PLXNA4: variants seen among roughly 807,000 people sequenced by gnomAD.
PLXNA4 encodes plexin-A4.
In PLXNA4, 44 loss-of-function variants were observed where a neutral mutation model predicts 191.8. The observed-to-expected ratio is 0.23, with a 90% confidence interval of 0.18 to 0.29. The LOEUF (loss-of-function observed/expected upper bound fraction) is 0.29. Among genes scored for constraint, PLXNA4 ranks in the 10% least tolerant of loss-of-function variants. The pLI is 1.00. For missense variants in PLXNA4, 1,800 were observed against 2,488.8 expected, an observed-to-expected ratio of 0.72 and a Z score of 5.89; for synonymous variants, 1,082 against 1,009.5, an observed-to-expected ratio of 1.07 and a Z score of -1.36.
chr7:132,155,734 T>G (rs918765124), intron 25 of PLXNA4, among the ~76,000 whole-genome samples: 5 of 152,144 alleles, frequency 3.3e-5, no homozygotes, highest in African/African-American at 1.2e-4. Flanking sequence ...GCAGTGAAGG[T>G]GGGCCCTGCG....
intron 30 of PLXNA4, among the ~76,000 whole-genome samples, chr7:132,136,820 A>G (rs1189473309): frequency 6.6e-6 from 1 of 152,196 alleles, no homozygotes; most frequent in Non-Finnish European, 1.5e-5. Context: ...GGAGTGAAAG[A>G]TATTTCCAGC....
intron 1 of PLXNA4, among the ~76,000 whole-genome samples, chr7:132,528,092 T>C (rs572391882): frequency 1.3e-5 from 2 of 152,324 alleles, no homozygotes; most frequent in East Asian, 1.9e-4. Context: ...TTAAGAAGGC[T>C]ATAATCTAAA....
intron 3 of PLXNA4, among the ~76,000 whole-genome samples, chr7:132,441,214 G>A (rs1462171050): frequency 1.3e-5 from 2 of 152,198 alleles, no homozygotes; most frequent in Non-Finnish European, 2.9e-5. Context: ...CCCACCCCAT[G>A]TGACTGCATC....
intron 3 of PLXNA4, among the ~76,000 whole-genome samples, chr7:132,344,480 C>G (rs911481202): frequency 6.6e-6 from 1 of 152,084 alleles, no homozygotes; most frequent in Admixed American, 6.5e-5. Flanking sequence ...TGTGGGGTCT[C>G]GTGGAGCAAC....
intron 15 of PLXNA4, 52 bp downstream of exon 15, chr7:132,187,419 C>T (rs1386846383): frequency 6.4e-7 from 1 of 1,574,076 alleles, no homozygotes; most frequent in Non-Finnish European, 8.6e-7. Flanking sequence ...AAGTCATTTA[C>T]CTGTCTAACC....
chr7:132,357,224 G>C (rs1426619313), intron 3 of PLXNA4, among the ~76,000 whole-genome samples: 1 of 152,116 alleles, frequency 6.6e-6, no homozygotes, highest in East Asian at 1.9e-4. Flanking sequence ...ATCTTTGCAG[G>C]GCACATGGAG....
At chr7:132,315,043 A>G (rs950788242) in intron 3 of PLXNA4, among the ~76,000 whole-genome samples, 1 of 152,234 alleles carries the variant, frequency 6.6e-6, no homozygotes, top group South Asian at 2.1e-4. Flanking sequence ...TGAGCAAGTT[A>G]TCCAGTGGAA....
At chr7:132,248,531 G>C (rs1186768674) in intron 4 of PLXNA4, among the ~76,000 whole-genome samples, 1 of 152,190 alleles carries the variant, frequency 6.6e-6, no homozygotes, top group Non-Finnish European at 1.5e-5. Context: ...GAAGGTTGCA[G>C]TGTGGTAGCT....
rs570338511 is a variant in PLXNA4 at position 132,270,347 on chromosome 7, G to A, written c.1503+27744C>T. Among the ~76,000 whole-genome samples the A allele has an allele frequency of 5.9e-5, 9 of 152,310 alleles. No individual in the cohort carries two copies. The East Asian group carries it at 1.2e-3, about 20-fold the overall frequency. On this transcript the variant is annotated intron_variant, in intron 4 of 31. Coordinates refer to ENST00000321063, the MANE Select transcript of PLXNA4 (RefSeq NM_020911.2). ...TTAAAAAGTCTAGAAATTATAGACC[G>A]ATTGAGGTCAGCAAGAAACAAATTA...
chr7:132,541,883 G>A (rs1176712546), intron 1 of PLXNA4, among the ~76,000 whole-genome samples: 3 of 152,242 alleles, frequency 2.0e-5, no homozygotes, highest in South Asian at 2.1e-4. Flanking sequence ...GGTAAGCCAC[G>A]TGAGAGACTC....
chr7:132,471,876 C>T (rs1317511658), intron 3 of PLXNA4, among the ~76,000 whole-genome samples: 1 of 152,190 alleles, frequency 6.6e-6, no homozygotes, highest in Non-Finnish European at 1.5e-5. Context: ...TTACTGGAAC[C>T]AGGTATGCTT....
At chr7:132,133,693 G>C (rs1563049425) in intron 30 of PLXNA4, among the ~76,000 whole-genome samples, 1 of 152,196 alleles carries the variant, frequency 6.6e-6, no homozygotes, top group Non-Finnish European at 1.5e-5. Flanking sequence ...CTGGTAGAAG[G>C]CAATCAGTCA....
chr7:132,400,976 A>T (rs1050244479), intron 3 of PLXNA4, among the ~76,000 whole-genome samples: 1 of 152,210 alleles, frequency 6.6e-6, no homozygotes, highest in East Asian at 1.9e-4. Flanking sequence ...GCAAATAGCT[A>T]TCTGTGCAAG....
At chr7:132,473,822 A>C (rs73442718) in intron 3 of PLXNA4, among the ~76,000 whole-genome samples, 6,217 of 152,022 alleles carry the variant, frequency 0.041, 205 homozygotes, top group African/African-American at 0.082. Flanking sequence ...GTTATCAGAG[A>C]AATTAGAATG....
At chr7:132,528,091 C>T (rs1220757987) in intron 1 of PLXNA4, among the ~76,000 whole-genome samples, 1 of 152,170 alleles carries the variant, frequency 6.6e-6, no homozygotes, top group Non-Finnish European at 1.5e-5. Context: ...CTTAAGAAGG[C>T]TATAATCTAA....
At chr7:132,301,386 T>C (rs1304252422) in intron 3 of PLXNA4, among the ~76,000 whole-genome samples, 1 of 152,214 alleles carries the variant, frequency 6.6e-6, no homozygotes, top group Non-Finnish European at 1.5e-5. Flanking sequence ...ACTATGGGTC[T>C]GGGACAATGA....
intron 3 of PLXNA4, among the ~76,000 whole-genome samples, chr7:132,478,076 C>T (rs1049751510): frequency 1.3e-5 from 2 of 152,158 alleles, no homozygotes; most frequent in Non-Finnish European, 2.9e-5. Context: ...ATGGCCCTTC[C>T]TAGGTCACAG....
intron 3 of PLXNA4, among the ~76,000 whole-genome samples, chr7:132,446,705 C>G (rs1357098723): frequency 6.6e-6 from 1 of 152,244 alleles, no homozygotes; most frequent in Non-Finnish European, 1.5e-5. Context: ...TGTATCCTCA[C>G]AAAAACCCCA....
chr7:132,358,262 G>A (rs1429264575), intron 3 of PLXNA4, among the ~76,000 whole-genome samples: 1 of 152,246 alleles, frequency 6.6e-6, no homozygotes, highest in East Asian at 1.9e-4. Flanking sequence ...TAGCAAGCAT[G>A]TGTGACTCAG....
Sources: gnomAD v4.1 joint callset for allele counts (sites outside exome capture counted in the v4.1 genomes callset) on GRCh38, gnomAD v4.1.1 for gene constraint, MANE v1.5 for transcripts, NCBI Gene and HGNC (gene_info 2026-07-23, HGNC 2026-07-21) for gene names.